The following HS3ST3A1 variants were observed in gnomAD, a reference collection of about 807,000 sequenced individuals.
The protein encoded by HS3ST3A1 is heparan sulfate glucosamine 3-O-sulfotransferase 3A1.
A neutral mutation model predicts 25.7 loss-of-function variants in HS3ST3A1; 19 were observed. That is an observed-to-expected ratio of 0.74 (90% CI 0.52 to 1.08). The LOEUF is 1.08. HS3ST3A1 is among the 50% of genes least tolerant of loss of function. The pLI, the probability that HS3ST3A1 is intolerant of heterozygous loss-of-function variation, is 0.00. For missense variants in HS3ST3A1, 459 were observed against 594.3 expected, an observed-to-expected ratio of 0.77 and a Z score of 2.37; for synonymous variants, 226 against 278.6, an observed-to-expected ratio of 0.81 and a Z score of 1.88.
In HS3ST3A1 at chr17:13,601,348, A is replaced by G. The variant is rs3744337; in HGVS notation, c.-219T>C. The G allele has an allele frequency of 0.24, 117,679 of 488,678 alleles. 15,038 individuals are homozygous for G. Among genetic ancestry groups the G allele is most frequent in the African/African-American group, 0.32 (15,356 of 48,742 alleles). 30.3% of individuals were successfully genotyped at this position (488,678 alleles called of 1,614,324 possible). A position where few individuals can be genotyped will look rare whatever the true frequency, so the allele number is the denominator to read the frequency against. ...CAGGATCCCTGCCTCCAGTCGAGGGAGCGGGAAGGGGAACGCGGGTCCGTG... is the reference window on the plus strand; with the variant it reads ...CAGGATCCCTGCCTCCAGTCGAGGGGGCGGGAAGGGGAACGCGGGTCCGTG... On this transcript the variant is annotated 5_prime_UTR_variant, in exon 1 of 2. Coordinates refer to ENST00000284110, the MANE Select transcript of HS3ST3A1 (RefSeq NM_006042.3).
chr17:13,507,808 T>A (rs1038602496), intron 1 of HS3ST3A1, among the ~76,000 whole-genome samples: 1 of 152,174 alleles, frequency 6.6e-6, no homozygotes, highest in African/African-American at 2.4e-5. Flanking sequence ...GCTCTTTTCA[T>A]GGCCATGGCA....
intron 1 of HS3ST3A1, among the ~76,000 whole-genome samples, chr17:13,551,650 T>C (rs1253614396): frequency 6.6e-6 from 1 of 152,090 alleles, no homozygotes; most frequent in Non-Finnish European, 1.5e-5. Flanking sequence ...TTTACGTTAT[T>C]TTGAATAAAT....
At chr17:13,518,766 C>G (rs1342636892) in intron 1 of HS3ST3A1, among the ~76,000 whole-genome samples, 1 of 152,184 alleles carries the variant, frequency 6.6e-6, no homozygotes, top group Non-Finnish European at 1.5e-5. Flanking sequence ...GGAAAGCCCT[C>G]CCTAGGTCAG....
intron 1 of HS3ST3A1, among the ~76,000 whole-genome samples, chr17:13,546,546 G>A (rs1338328967): frequency 7.2e-5 from 11 of 152,204 alleles, no homozygotes; most frequent in African/African-American, 1.7e-4. Flanking sequence ...GATTACAGGC[G>A]TGAGCCACTG....
chr17:13,582,881 G>C (rs891044396), intron 1 of HS3ST3A1, among the ~76,000 whole-genome samples: 1 of 152,168 alleles, frequency 6.6e-6, no homozygotes, highest in Non-Finnish European at 1.5e-5. Flanking sequence ...TTGATAATGT[G>C]TAAGTAGCCT....
chr17:13,497,859 G>A (rs1320063397), intron 1 of HS3ST3A1, among the ~76,000 whole-genome samples: 1 of 152,070 alleles, frequency 6.6e-6, no homozygotes, highest in Non-Finnish European at 1.5e-5. Context: ...TGATAGATTT[G>A]TTACTTTTGT....
At chr17:13,555,184 G>T (rs546521533) in intron 1 of HS3ST3A1, among the ~76,000 whole-genome samples, 2 of 152,042 alleles carry the variant, frequency 1.3e-5, no homozygotes, top group Admixed American at 1.3e-4. Context: ...TATGCCTCCC[G>T]CTGGGTGGGC....
At chr17:13,538,452 C>T (rs1325165057) in intron 1 of HS3ST3A1, among the ~76,000 whole-genome samples, 1 of 152,184 alleles carries the variant, frequency 6.6e-6, no homozygotes, top group East Asian at 1.9e-4. Flanking sequence ...CAACAATTGT[C>T]TAATTTTTCA....
chr17:13,584,030 T>C (rs1370337036), intron 1 of HS3ST3A1, among the ~76,000 whole-genome samples: 2 of 152,162 alleles, frequency 1.3e-5, no homozygotes, highest in Non-Finnish European at 2.9e-5. Flanking sequence ...AAGCAAAGAG[T>C]ACCTGGATTT....
chr17:13,566,901 C>T (rs914525764), intron 1 of HS3ST3A1, among the ~76,000 whole-genome samples: 1 of 152,198 alleles, frequency 6.6e-6, no homozygotes, highest in African/African-American at 2.4e-5. Context: ...GGTACTGACA[C>T]AGAAGTTGCA....
chr17:13,583,236 A>G (rs577761270), intron 1 of HS3ST3A1, among the ~76,000 whole-genome samples: 18 of 152,180 alleles, frequency 1.2e-4, no homozygotes, highest in African/African-American at 4.3e-4. Flanking sequence ...ATTCCCCTTC[A>G]TGTTGGCCTC....
At chr17:13,564,521 C>G (rs1350653027) in intron 1 of HS3ST3A1, among the ~76,000 whole-genome samples, 1 of 152,100 alleles carries the variant, frequency 6.6e-6, no homozygotes, top group Non-Finnish European at 1.5e-5. Context: ...ACATTTAAAT[C>G]TTCTCTAGAT....
chr17:13,517,564 T>G (rs1440248779), intron 1 of HS3ST3A1, among the ~76,000 whole-genome samples: 1 of 152,174 alleles, frequency 6.6e-6, no homozygotes, highest in Non-Finnish European at 1.5e-5. Flanking sequence ...TCCCAATAAT[T>G]TGCATATTCT....
chr17:13,574,933 T>A lies in HS3ST3A1; in HGVS notation c.599+25598A>T, dbSNP rs547802899. On this transcript the variant is annotated intron_variant, in intron 1 of 1. Coordinates refer to ENST00000284110, the MANE Select transcript of HS3ST3A1 (RefSeq NM_006042.3). ...CTTGAAATACTGCTTGAAGACAAAA[T>A]ATCCCCTATAGTCAAATTAATCCTC... Among the ~76,000 whole-genome samples, 8 of 152,180 alleles carry A rather than the reference T, an allele frequency of 5.3e-5. No individual in the cohort carries two copies. The East Asian group carries it at 1.5e-3, about 29-fold the overall frequency.
intron 1 of HS3ST3A1, among the ~76,000 whole-genome samples, chr17:13,572,224 T>TA (rs1228915801): frequency 6.6e-6 from 1 of 152,226 alleles, no homozygotes; most frequent in Admixed American, 6.5e-5. Context: ...GGTGAATGAA[T>TA]ATGCTCAGAA....
chr17:13,588,664 T>C (rs1908341212), intron 1 of HS3ST3A1, among the ~76,000 whole-genome samples: 1 of 151,272 alleles, frequency 6.6e-6, no homozygotes, highest in Non-Finnish European at 1.5e-5. Flanking sequence ...ACTCTCTTAG[T>C]ATAGTCCATT....
At chr17:13,550,631 A>G (rs1256768837) in intron 1 of HS3ST3A1, among the ~76,000 whole-genome samples, 3 of 152,164 alleles carry the variant, frequency 2.0e-5, no homozygotes, top group Admixed American at 6.5e-5. Context: ...ATTTGAAGAT[A>G]TATTCAGGAC....
intron 1 of HS3ST3A1, among the ~76,000 whole-genome samples, chr17:13,528,190 C>T (rs78846768): frequency 7.9e-4 from 120 of 152,308 alleles, no homozygotes; most frequent in Non-Finnish European, 1.6e-3. Context: ...GGCTGCACTG[C>T]ATGGGCTCCA....
intron 1 of HS3ST3A1, among the ~76,000 whole-genome samples, chr17:13,534,856 T>C (rs1292526899): frequency 6.6e-6 from 1 of 152,074 alleles, no homozygotes; most frequent in African/African-American, 2.4e-5. Context: ...AGAAACCACG[T>C]CTCTACTAAA....
Sources: gnomAD v4.1 joint callset for allele counts (sites outside exome capture counted in the v4.1 genomes callset) on GRCh38, gnomAD v4.1.1 for gene constraint, MANE v1.5 for transcripts, NCBI Gene and HGNC (gene_info 2026-07-23, HGNC 2026-07-21) for gene names.